PDE11A: variants seen among roughly 807,000 people sequenced by gnomAD.
PDE11A encodes dual 3',5'-cyclic-AMP and -GMP phosphodiesterase 11A.
Under a neutral mutation model 100.5 loss-of-function variants are expected in PDE11A, and 100 were observed. The observed-to-expected ratio is 1.00, with a 90% confidence interval of 0.85 to 1.18. PDE11A has a LOEUF of 1.18. Among genes scored for constraint, PDE11A ranks in the 50% most tolerant of loss-of-function variants. PDE11A has a pLI of 0.00. For synonymous variants in PDE11A, 381 were observed against 420.8 expected, an observed-to-expected ratio of 0.91 and a Z score of 1.16; for missense variants, 1,141 against 1,152.6, an observed-to-expected ratio of 0.99 and a Z score of 0.15.
intron 2 of PDE11A, among the ~76,000 whole-genome samples, chr2:177,945,263 GTC>G (rs2105776708): frequency 6.7e-6 from 1 of 150,294 alleles, no homozygotes; most frequent in Admixed American, 6.6e-5. Flanking sequence ...AGTGAGGAGT[GTC>G]TCTGCCTGGC....
intron 2 of PDE11A, among the ~76,000 whole-genome samples, chr2:178,095,292 T>A (rs767194979): frequency 6.6e-6 from 1 of 152,094 alleles, no homozygotes; most frequent in Non-Finnish European, 1.5e-5. Context: ...ATGGGAGAAA[T>A]TGGCCAAAAC....
intron 3 of PDE11A, among the ~76,000 whole-genome samples, chr2:177,902,230 T>A (rs1036632322): frequency 1.3e-5 from 2 of 152,012 alleles, no homozygotes; most frequent in Non-Finnish European, 2.9e-5. Flanking sequence ...TGATACGATA[T>A]ATTCTCCCCC....
At chr2:178,103,362 T>A (rs1446755461) in intron 2 of PDE11A, among the ~76,000 whole-genome samples, 2 of 152,098 alleles carry the variant, frequency 1.3e-5, no homozygotes, top group African/African-American at 4.8e-5. Flanking sequence ...GGAATAGGGT[T>A]AAGGGGGAAT....
At chr2:177,843,187 T>C (rs1219663697) in intron 5 of PDE11A, among the ~76,000 whole-genome samples, 3 of 152,242 alleles carry the variant, frequency 2.0e-5, no homozygotes, top group African/African-American at 7.2e-5. Flanking sequence ...TGCTTCTCTA[T>C]ATTTTATAGA....
chr2:178,096,351 T>A (rs1343837069), intron 2 of PDE11A, among the ~76,000 whole-genome samples: 2 of 150,746 alleles, frequency 1.3e-5, no homozygotes, highest in Non-Finnish European at 3.0e-5. Context: ...TTTTTTGTAT[T>A]TTTACTAGAG....
intron 2 of PDE11A, among the ~76,000 whole-genome samples, chr2:178,104,002 C>A (rs934845511): frequency 6.6e-6 from 1 of 152,040 alleles, no homozygotes; most frequent in African/African-American, 2.4e-5. Flanking sequence ...TGCCATTATA[C>A]CACTAAAATA....
At chr2:177,675,377 AG>A (rs2080754698) in intron 17 of PDE11A, 77 bp downstream of exon 17, 1 of 1,023,814 alleles carries the variant, frequency 9.8e-7, no homozygotes, top group Admixed American at 1.7e-5. Context: ...CCTGGTAGTC[AG>A]GGCTCTGGGA....
intron 16 of PDE11A, among the ~76,000 whole-genome samples, chr2:177,676,640 G>A (rs543726909): frequency 1.6e-4 from 24 of 152,262 alleles, no homozygotes; most frequent in Admixed American, 3.3e-4. Context: ...CTCTCAACTC[G>A]AGCAGCATTG....
At chr2:178,044,843 T>C (rs1452826670) in intron 1 of PDE11A, among the ~76,000 whole-genome samples, 1 of 152,136 alleles carries the variant, frequency 6.6e-6, no homozygotes, top group African/African-American at 2.4e-5. Flanking sequence ...CCAAATTCTG[T>C]CCCTAGATGT....
intron 2 of PDE11A, among the ~76,000 whole-genome samples, chr2:177,952,653 C>T (rs1574304075): frequency 6.6e-6 from 1 of 152,102 alleles, no homozygotes; most frequent in Non-Finnish European, 1.5e-5. Flanking sequence ...TCTTTATTTT[C>T]TTTCTTTTGG....
At chr2:177,983,218 T>G (rs2085903667) in intron 2 of PDE11A, among the ~76,000 whole-genome samples, 1 of 152,074 alleles carries the variant, frequency 6.6e-6, no homozygotes, top group African/African-American at 2.4e-5. Context: ...AATAGTCATT[T>G]CTCACTTTGT....
chr2:177,637,223 T>C (rs1055095696), intron 19 of PDE11A, among the ~76,000 whole-genome samples: 7 of 152,220 alleles, frequency 4.6e-5, no homozygotes, highest in Non-Finnish European at 8.8e-5. Context: ...TTAGGTTAAG[T>C]GCCTTGTCCA....
intron 2 of PDE11A, among the ~76,000 whole-genome samples, chr2:177,941,593 T>C (rs2085346367): frequency 6.6e-6 from 1 of 152,192 alleles, no homozygotes; most frequent in South Asian, 2.1e-4. Context: ...ACAGAATGCT[T>C]CACCAGTCCA....
Position 177,628,573 on chromosome 2 carries a change from G to T in PDE11A, c.*834C>A, listed in dbSNP as rs13034886. 101,726 of 152,162 alleles carry T rather than the reference G, an allele frequency of 0.67. 37,566 individuals carry two copies. The highest frequency in any genetic ancestry group is 0.86 in the East Asian group (4,456 of 5,172). The allele number at this position is 152,162 out of a possible 1,614,324, so 9.4% of individuals were successfully genotyped here. On this transcript the variant is annotated 3_prime_UTR_variant, in exon 20 of 20. Coordinates refer to ENST00000286063, the MANE Select transcript of PDE11A (RefSeq NM_016953.4). ...GAGAACTCAAGGTAGTCAATGCTTAGTCTCCATGGCTCTGCTCTGTCCTGT... is the reference window on the plus strand; with the variant it reads ...GAGAACTCAAGGTAGTCAATGCTTATTCTCCATGGCTCTGCTCTGTCCTGT...
At chr2:177,690,163 G>C (rs2105521272) in intron 15 of PDE11A, among the ~76,000 whole-genome samples, 1 of 151,390 alleles carries the variant, frequency 6.6e-6, no homozygotes, top group East Asian at 1.9e-4. Flanking sequence ...AAAATTCTTT[G>C]AAATATGTCA....
At chr2:177,783,147 T>C (rs1357909006) in intron 9 of PDE11A, among the ~76,000 whole-genome samples, 1 of 152,198 alleles carries the variant, frequency 6.6e-6, no homozygotes, top group Non-Finnish European at 1.5e-5. Context: ...ACAATTCTCT[T>C]CATTTCTCAT....
chr2:177,866,879 T>C (rs1020690147), intron 5 of PDE11A, among the ~76,000 whole-genome samples: 1 of 152,246 alleles, frequency 6.6e-6, no homozygotes, highest in Non-Finnish European at 1.5e-5. Context: ...AAACACTGCA[T>C]GGGCAAATCA....
intron 5 of PDE11A, among the ~76,000 whole-genome samples, chr2:177,856,965 A>C (rs2083844762): frequency 6.6e-6 from 1 of 152,108 alleles, no homozygotes; most frequent in African/African-American, 2.4e-5. Context: ...ATAAACTACA[A>C]GTAGGATAAA....
At chr2:178,080,926 A>T (rs933751112) in intron 2 of PDE11A, among the ~76,000 whole-genome samples, 10 of 152,140 alleles carry the variant, frequency 6.6e-5, no homozygotes, top group South Asian at 2.1e-4. Flanking sequence ...AGCATTTTTT[A>T]AAAATATACT....
Sources: gnomAD v4.1 joint callset for allele counts (sites outside exome capture counted in the v4.1 genomes callset) on GRCh38, gnomAD v4.1.1 for gene constraint, MANE v1.5 for transcripts, NCBI Gene and HGNC (gene_info 2026-07-23, HGNC 2026-07-21) for gene names.